Variants in DCDC1 observed in about 807,000 individuals in gnomAD.
DCDC1 encodes the protein doublecortin domain-containing protein 1.
Under a neutral mutation model 178.3 loss-of-function variants are expected in DCDC1, and 200 were observed. The observed-to-expected ratio is 1.12, with a 90% CI of 1.00 to 1.26. The LOEUF (loss-of-function observed/expected upper bound fraction) is 1.26. Among genes scored for constraint, DCDC1 ranks in the 50% most tolerant of loss-of-function variants. The pLI is 0.00. For missense variants in DCDC1, 1,983 were observed against 1,749.2 expected, an observed-to-expected ratio of 1.13 and a Z score of -2.38; for synonymous variants, 690 against 604.8, an observed-to-expected ratio of 1.14 and a Z score of -2.07.
At chr11:31,085,702 GAT>G (rs1957431871) in intron 17 of DCDC1, among the ~76,000 whole-genome samples, 1 of 40,494 alleles carries the variant, frequency 2.5e-5, no homozygotes, top group Non-Finnish European at 4.9e-5. Context: ...TAAGAACATT[GAT>G]TGATTGATTG....
chr11:31,139,014 A>G (rs1963499909), intron 9 of DCDC1, among the ~76,000 whole-genome samples: 1 of 151,214 alleles, frequency 6.6e-6, no homozygotes, highest in Non-Finnish European at 1.5e-5. Flanking sequence ...GATCGTAAAT[A>G]TTTTAGGCTT....
intron 20 of DCDC1, among the ~76,000 whole-genome samples, chr11:30,994,645 A>C (rs1427353441): frequency 1.4e-5 from 2 of 145,510 alleles, no homozygotes; most frequent in Non-Finnish European, 3.0e-5. Context: ...TATTTATTAT[A>C]ATATATAACA....
At position 31,251,971 on chromosome 11, in the gene DCDC1, G is replaced by C. The variant is rs1944069964; in HGVS notation, c.1055-10355C>G. Among the ~76,000 whole-genome samples the C allele has an allele frequency of 2.0e-5, 3 of 152,148 alleles. No homozygotes were observed. In the South Asian group the frequency reaches 6.2e-4, roughly 31 times the overall value. On this transcript the variant is annotated intron_variant, in intron 8 of 38. Coordinates refer to ENST00000684477, the MANE Select transcript of DCDC1 (RefSeq NM_001387274.1). ...GAAACCAAATCATGAAGGCCATTCA[G>C]GCCATGATACAATTAAAGTATTGGT...
chr11:31,307,540 T>C lies in DCDC1; in HGVS notation c.434+99A>G, dbSNP rs934278408. On this transcript the variant is annotated intron_variant, in intron 4 of 38. Transcript: ENST00000684477. ...AACAAAACCCGAGAGATGTGTTACA[T>C]TTTAATGTCTGAGATAGTCAATTGA... The C allele has an allele frequency of 2.1e-5, 31 of 1,469,812 alleles. No homozygotes were observed. The African/African-American group carries it at 4.4e-4, about 21-fold the overall frequency. 91.0% of individuals were successfully genotyped at this position (1,469,812 alleles called of 1,614,324 possible).
In DCDC1 at chr11:31,306,354, C is replaced by A. The variant is rs773590609; in HGVS notation, c.469G>T (p.Ala157Ser). 6.2e-7 allele frequency: 1 copy of A among 1,608,068 alleles called. No homozygotes were observed. The highest frequency in any genetic ancestry group is 1.1e-5 in the South Asian group (1 of 89,968). Residue 157 changes from alanine to serine, a missense_variant, in exon 5 of 39, where the codon GCC (alanine) becomes TCC (serine). Ala to Ser is a moderately conservative substitution (Grantham distance 99). Coordinates refer to ENST00000684477, the MANE Select transcript of DCDC1 (RefSeq NM_001387274.1). ...TGAGACAATTTCTGCCAATTCCGGG[C>A]TGACTGAAATTTTAAAGAAGAGAAC... ...AEFSSLKFQS[A>S]RNWQKLSQRH...
chr11:31,333,969 G>A (rs1950139173), intron 2 of DCDC1, among the ~76,000 whole-genome samples: 2 of 152,200 alleles, frequency 1.3e-5, no homozygotes, highest in South Asian at 4.1e-4. Flanking sequence ...ATCCTGAAGA[G>A]TGTTTTCAAA....
chr11:31,032,638 T>TA (rs1953728145), intron 20 of DCDC1, among the ~76,000 whole-genome samples: 1 of 151,998 alleles, frequency 6.6e-6, no homozygotes, highest in African/African-American at 2.4e-5. Context: ...GAGGTAACCA[T>TA]ACAAATAACA....
rs765684805 is a variant in DCDC1, at chr11:30,911,398, G to A, written c.3676C>T (p.Pro1226Ser). The A allele has an allele frequency of 6.2e-7, 1 of 1,602,006 alleles. No individual in the cohort carries two copies. The highest frequency in any genetic ancestry group is 8.5e-7 in the Non-Finnish European group (1 of 1,174,048). ...DSRTFHLVSN[P>S]DLVLAVSMTK... Reference sequence around the variant, plus strand: ...ATAGACACTGCCAGCACAAGGTCAGGGTTACTCACAAGGTGAAAGGTCCTT... The same window carrying A: ...ATAGACACTGCCAGCACAAGGTCAGAGTTACTCACAAGGTGAAAGGTCCTT... Residue 1226 changes from proline (P) to serine (S), a missense_variant, in exon 28 of 39, where the codon CCT becomes TCT. Coordinates refer to ENST00000684477, the MANE Select transcript of DCDC1 (RefSeq NM_001387274.1).
intron 27 of DCDC1, 30 bp from the exon 28 acceptor site, chr11:30,911,450 A>G (rs1253526976): frequency 1.9e-6 from 3 of 1,541,924 alleles, no homozygotes. Context: ...CCACATTACA[A>G]AGTAGCATGA....
At position 30,954,546 on chromosome 11, in the gene DCDC1, G is replaced by A. The variant is rs541642921; in HGVS notation, c.2592-1978C>T. Among the ~76,000 whole-genome samples the A allele has an allele frequency of 1.0e-3, 152 of 152,250 alleles. 2 individuals are homozygous for A. Among genetic ancestry groups the A allele is most frequent in the African/African-American group, 3.3e-3 (139 of 41,550 alleles). ...GTTAGTCAGTGGTAATTTAACAAGT[G>A]ATACAGCAATTGTATTTATAATTAA... On this transcript the variant is annotated intron_variant, in intron 20 of 38. Coordinates refer to ENST00000684477, the MANE Select transcript of DCDC1 (RefSeq NM_001387274.1).
At chr11:31,110,140 T>C in intron 12 of DCDC1, 120 bp downstream of exon 12, 1 of 595,620 alleles carries the variant, frequency 1.7e-6, no homozygotes, top group South Asian at 2.1e-5. Flanking sequence ...GTGATATCAG[T>C]CTTTACAGAT....
chr11:31,014,205 T>TC (rs1565183580), intron 20 of DCDC1, among the ~76,000 whole-genome samples: 2 of 149,564 alleles, frequency 1.3e-5, no homozygotes, highest in African/African-American at 5.1e-5. Context: ...CACTCTCTCT[T>TC]TCTCTCTCTC....
At chr11:31,069,344 C>T (rs1956427550) in intron 18 of DCDC1, among the ~76,000 whole-genome samples, 1 of 152,024 alleles carries the variant, frequency 6.6e-6, no homozygotes, top group Admixed American at 6.6e-5. Context: ...TTTCATTTTA[C>T]CTTTAATCTT....
chr11:31,018,310 T>C (rs1166966379), intron 20 of DCDC1, among the ~76,000 whole-genome samples: 1 of 152,220 alleles, frequency 6.6e-6, no homozygotes, highest in Non-Finnish European at 1.5e-5. Flanking sequence ...ACTCATATTT[T>C]GTAATTTTTT....
chr11:31,273,736 T>G (rs971795331), intron 7 of DCDC1, among the ~76,000 whole-genome samples: 7 of 152,184 alleles, frequency 4.6e-5, no homozygotes, highest in African/African-American at 1.4e-4. Flanking sequence ...TTTACTGTAT[T>G]AGTCCATTTC....
At chr11:31,081,493 C>T (rs181984962) in intron 17 of DCDC1, among the ~76,000 whole-genome samples, 1 of 152,102 alleles carries the variant, frequency 6.6e-6, no homozygotes, top group Admixed American at 6.5e-5. Context: ...GCCCGCAATC[C>T]CAGCTACTCG....
intron 38 of DCDC1, among the ~76,000 whole-genome samples, chr11:30,869,974 G>C (rs1045398696): frequency 6.6e-6 from 1 of 152,136 alleles, no homozygotes; most frequent in Admixed American, 6.6e-5. Flanking sequence ...CAAGGCTCTG[G>C]GGGTGGGGGT....
chr11:30,960,777 T>G (rs1454641694), intron 20 of DCDC1, among the ~76,000 whole-genome samples: 1 of 149,902 alleles, frequency 6.7e-6, no homozygotes, highest in African/African-American at 2.4e-5. Flanking sequence ...TTGAAAACAC[T>G]CATGTATACA....
intron 9 of DCDC1, among the ~76,000 whole-genome samples, chr11:31,197,360 C>A (rs1212205910): frequency 6.6e-6 from 1 of 151,848 alleles, no homozygotes; most frequent in African/African-American, 2.4e-5. Flanking sequence ...TTCCTTTTTG[C>A]AAATGCTAAA....
Sources: allele counts gnomAD v4.1 joint callset (sites outside exome capture counted in the v4.1 genomes callset), GRCh38; gene constraint gnomAD v4.1.1; transcripts MANE v1.5; gene names NCBI Gene and HGNC (gene_info 2026-07-23, HGNC 2026-07-21).